SMAP1: variants seen among roughly 807,000 people sequenced by gnomAD.
SMAP1 encodes the protein stromal membrane-associated protein 1.
Under a neutral mutation model 58.5 loss-of-function variants are expected in SMAP1, and 24 were observed. The observed-to-expected ratio is 0.41, with a 90% CI of 0.30 to 0.58. The LOEUF (loss-of-function observed/expected upper bound fraction) is 0.58. SMAP1 is among the 20% of genes least tolerant of loss of function. The probability of loss-of-function intolerance (pLI) is 0.29; values close to 1 mark genes in which losing one functional copy is unlikely to be tolerated. For synonymous variants in SMAP1, 216 were observed against 196.6 expected (o/e 1.10, Z -0.82); for missense variants, 563 against 566.3 (o/e 0.99, Z 0.06).
chr6:70,835,273 AGAATT>A (rs1443137691), intron 6 of SMAP1, among the ~76,000 whole-genome samples: 1 of 150,420 alleles, frequency 6.6e-6, no homozygotes, highest in Non-Finnish European at 1.5e-5. Flanking sequence ...AAAAAAAAAA[AGAATT>A]GACACCTGGT....
At chr6:70,817,138 A>ATTTTT (rs34064328) in intron 6 of SMAP1, among the ~76,000 whole-genome samples, 14 of 140,536 alleles carry the variant, frequency 1.0e-4, no homozygotes, top group African/African-American at 4.0e-4. Flanking sequence ...ATATATATAT[A>ATTTTT]TTTTTTTTTT....
chr6:70,684,481 G>A (rs1432433712), intron 1 of SMAP1, among the ~76,000 whole-genome samples: 1 of 152,084 alleles, frequency 6.6e-6, no homozygotes, highest in African/African-American at 2.4e-5. Context: ...GGTGAAGCAA[G>A]GATTATGGAT....
intron 8 of SMAP1, among the ~76,000 whole-genome samples, chr6:70,855,199 A>G (rs1386777833): frequency 6.6e-6 from 1 of 152,078 alleles, no homozygotes; most frequent in Non-Finnish European, 1.5e-5. Context: ...GCCTTCGATT[A>G]GATGCTCTGC....
chr6:70,668,836 A>C, intron 1 of SMAP1: 1 of 1,187,072 alleles, frequency 8.4e-7, no homozygotes, highest in Non-Finnish European at 1.2e-6. Flanking sequence ...AGTCTCTTGG[A>C]GGACGGTGGG....
At chr6:70,748,544 T>C (rs1468178048) in intron 2 of SMAP1, among the ~76,000 whole-genome samples, 1 of 152,142 alleles carries the variant, frequency 6.6e-6, no homozygotes, top group South Asian at 2.1e-4. Context: ...TTTTAAAATA[T>C]ATATTCATGA....
At chr6:70,769,206 G>C (rs1767151678) in intron 3 of SMAP1, among the ~76,000 whole-genome samples, 3 of 152,152 alleles carry the variant, frequency 2.0e-5, no homozygotes, top group Admixed American at 2.0e-4. Flanking sequence ...GTGGTGTGGT[G>C]CTGAAAAAAA....
chr6:70,836,156 G>A (rs533591025), intron 6 of SMAP1, among the ~76,000 whole-genome samples: 1 of 152,064 alleles, frequency 6.6e-6, no homozygotes, highest in African/African-American at 2.4e-5. Flanking sequence ...TTCATGCCGC[G>A]GATAAAGACA....
chr6:70,808,226 C>T lies in SMAP1; in HGVS notation c.576+9489C>T, dbSNP rs1164333054. On this transcript the variant is annotated intron_variant, in intron 6 of 10. Transcript: ENST00000370455. ...GTTCAAACCCATGTCGTTCAAGGGT[C>T]AGCTGTACTTATTATGTATTCAGTT... Among the ~76,000 whole-genome samples the T allele has an allele frequency of 2.6e-5, 4 of 152,250 alleles. No homozygotes were observed. The East Asian group carries it at 7.7e-4, about 29-fold the overall frequency.
intron 3 of SMAP1, among the ~76,000 whole-genome samples, chr6:70,767,182 A>G (rs1383738708): frequency 1.3e-5 from 2 of 152,100 alleles, no homozygotes; most frequent in East Asian, 1.9e-4. Flanking sequence ...AGGTAGCGTG[A>G]TGCCTCCAGC....
chr6:70,861,770 T>G lies in SMAP1; in HGVS notation c.*1436T>G. 1 of 1,614,006 alleles carries G rather than the reference T, an allele frequency of 6.2e-7. No homozygotes were observed. Among genetic ancestry groups the G allele is most frequent in the Non-Finnish European group, 8.5e-7 (1 of 1,179,930 alleles). The stretch of plus-strand genomic sequence containing the variant: ...AGAACCTGAAGGGGAAGGAAATAGC[T>G]TGGGTAGCGCACTCTTCATGGTGAC... On this transcript the variant is annotated 3_prime_UTR_variant, in exon 11 of 11. Transcript: ENST00000370455.
rs957420422 is a variant in SMAP1, at chr6:70,766,792, G to T, written c.339-6558G>T. 7.8e-3 allele frequency among the ~76,000 whole-genome samples: 1,181 copies of T among 152,208 alleles called. 12 individuals are homozygous for T. The highest frequency in any genetic ancestry group is 0.01 in the Non-Finnish European group (695 of 67,990). On this transcript the variant is annotated intron_variant, in intron 3 of 10. Coordinates refer to ENST00000370455, the MANE Select transcript of SMAP1 (RefSeq NM_001044305.3). ...AATTTTGTCTTTTGTTGCCATTGCTGTTGGTGTTTTAGACATGAAGTCCTT... is the reference window on the plus strand; with the variant it reads ...AATTTTGTCTTTTGTTGCCATTGCTTTTGGTGTTTTAGACATGAAGTCCTT...
At chr6:70,819,026 T>C (rs1157026612) in intron 6 of SMAP1, among the ~76,000 whole-genome samples, 1 of 152,164 alleles carries the variant, frequency 6.6e-6, no homozygotes, top group Non-Finnish European at 1.5e-5. Flanking sequence ...GGTCACTCCC[T>C]GTTTCTCCTT....
chr6:70,713,737 G>A (rs1768152846), intron 1 of SMAP1, among the ~76,000 whole-genome samples: 1 of 152,146 alleles, frequency 6.6e-6, no homozygotes, highest in Non-Finnish European at 1.5e-5. Flanking sequence ...AGAACGTTCT[G>A]TATAGGCTTG....
intron 2 of SMAP1, among the ~76,000 whole-genome samples, chr6:70,752,174 C>T (rs1766306583): frequency 6.6e-6 from 1 of 152,172 alleles, no homozygotes; most frequent in Non-Finnish European, 1.5e-5. Context: ...AGCCGTGTCA[C>T]TAATGCATTA....
intron 1 of SMAP1, among the ~76,000 whole-genome samples, chr6:70,707,084 G>A (rs988801866): frequency 1.3e-5 from 2 of 151,888 alleles, no homozygotes; most frequent in Non-Finnish European, 2.9e-5. Context: ...GACATTAATG[G>A]TTTCTCTTGT....
chr6:70,762,563 T>TA (rs1233181322), intron 3 of SMAP1, among the ~76,000 whole-genome samples: 6 of 152,162 alleles, frequency 3.9e-5, no homozygotes, highest in Non-Finnish European at 8.8e-5. Context: ...CAACCAAAGA[T>TA]ATAGCATGTT....
intron 5 of SMAP1, among the ~76,000 whole-genome samples, 185 bp from the exon 6 acceptor site, chr6:70,798,472 G>A (rs996935534): frequency 6.6e-6 from 1 of 151,816 alleles, no homozygotes; most frequent in Non-Finnish European, 1.5e-5. Flanking sequence ...ATTCTTTAGT[G>A]TCATCAGCAT....
At chr6:70,734,589 G>A (rs1188343782) in intron 2 of SMAP1, 1 of 152,686 alleles carries the variant, frequency 6.5e-6, no homozygotes, top group Non-Finnish European at 1.5e-5. Context: ...CATCGCCTGT[G>A]CTCTGTGGGG....
At chr6:70,779,594 T>G (rs1767679716) in intron 4 of SMAP1, among the ~76,000 whole-genome samples, 2 of 152,120 alleles carry the variant, frequency 1.3e-5, no homozygotes, top group Admixed American at 6.5e-5. Flanking sequence ...TGGGGAGTCC[T>G]TCCTGGCTTC....
Sources: allele counts gnomAD v4.1 joint callset (sites outside exome capture counted in the v4.1 genomes callset), GRCh38; gene constraint gnomAD v4.1.1; transcripts MANE v1.5; gene names NCBI Gene and HGNC (gene_info 2026-07-23, HGNC 2026-07-21).